Variants in LHPP observed in about 807,000 individuals in gnomAD.
LHPP encodes hLHPP.
LHPP carries 24 observed loss-of-function variants against 30.3 expected under a neutral mutation model. The observed-to-expected ratio is 0.79, with a 90% CI of 0.57 to 1.11. LHPP has a LOEUF of 1.11. LHPP is among the 50% of genes most tolerant of loss of function. The probability of loss-of-function intolerance (pLI) is 0.00; values close to 1 mark genes in which losing one functional copy is unlikely to be tolerated. For synonymous variants in LHPP, 150 were observed against 157.1 expected, an observed-to-expected ratio of 0.95 and a Z score of 0.34; for missense variants, 356 against 367.2, an observed-to-expected ratio of 0.97 and a Z score of 0.25.
chr10:124,510,339 G>A lies in LHPP; in HGVS notation c.625-6841G>A, dbSNP rs1299028129. The stretch of plus-strand genomic sequence containing the variant: ...GGGTCCTGAGCGCACTTTGGTATGC[G>A]GAGCCCACAAGCTGGCCTGGACAGG... On this transcript the variant is annotated intron_variant, in intron 5 of 6. Coordinates refer to ENST00000368842, the MANE Select transcript of LHPP (RefSeq NM_022126.4). This position sits in a 1 kb window ranked among gnomAD's most constrained non-coding sequence, Gnocchi z 4.0. Among the ~76,000 whole-genome samples, 2 of 152,176 alleles carry A rather than the reference G, an allele frequency of 1.3e-5. No individual in the cohort carries two copies. The highest frequency in any genetic ancestry group is 1.9e-4 in the East Asian group (1 of 5,200).
chr10:124,533,840 G>A (rs1397704761), intron 6 of LHPP, among the ~76,000 whole-genome samples: 2 of 152,244 alleles, frequency 1.3e-5, no homozygotes, highest in Admixed American at 6.5e-5. Context: ...CAGACCCCAA[G>A]TGTGTGCCTG....
intron 6 of LHPP, among the ~76,000 whole-genome samples, chr10:124,555,541 G>T (rs888143857): frequency 1.3e-5 from 2 of 151,692 alleles, no homozygotes; most frequent in Admixed American, 6.5e-5. Flanking sequence ...GCCTGGGAAG[G>T]GTCCCCCAGC....
chr10:124,490,550 G>T, intron 3 of LHPP: 1 of 341,920 alleles, frequency 2.9e-6, no homozygotes, highest in Non-Finnish European at 6.1e-6. Context: ...TTCATAAATA[G>T]CAATCTGGTT....
intron 6 of LHPP, among the ~76,000 whole-genome samples, chr10:124,568,408 G>A (rs1424109549): frequency 6.6e-6 from 1 of 152,072 alleles, no homozygotes; most frequent in Non-Finnish European, 1.5e-5. Context: ...ACCATTCCCC[G>A]GCCTCTGCCC....
chr10:124,544,759 G>T (rs1337024293), intron 6 of LHPP, among the ~76,000 whole-genome samples: 1 of 152,190 alleles, frequency 6.6e-6, no homozygotes, highest in Non-Finnish European at 1.5e-5. Context: ...CCCCGTCACG[G>T]GACCTCACAG....
intron 6 of LHPP, among the ~76,000 whole-genome samples, chr10:124,562,623 T>C (rs184639650): frequency 8.5e-5 from 13 of 152,212 alleles, no homozygotes; most frequent in Non-Finnish European, 1.6e-4. Flanking sequence ...GAGACATCAC[T>C]ACACACCTAT....
intron 6 of LHPP, among the ~76,000 whole-genome samples, chr10:124,586,899 A>G (rs1224560323): frequency 6.6e-6 from 1 of 152,136 alleles, no homozygotes; most frequent in Non-Finnish European, 1.5e-5. Flanking sequence ...AATTATTTAT[A>G]TATGTGTGCA....
intron 1 of LHPP, among the ~76,000 whole-genome samples, chr10:124,464,921 A>G (rs1952514093): frequency 6.6e-6 from 1 of 152,212 alleles, no homozygotes; most frequent in South Asian, 2.1e-4. Flanking sequence ...AAGACTGGAA[A>G]CAGCTCAGAT....
At chr10:124,560,835 C>T (rs1464483150) in intron 6 of LHPP, among the ~76,000 whole-genome samples, 2 of 152,116 alleles carry the variant, frequency 1.3e-5, no homozygotes, top group East Asian at 3.9e-4. Context: ...TCACCCAAAG[C>T]CCCACCCTGG....
chr10:124,612,737 T>C (rs1949218270), intron 6 of LHPP: 1 of 153,850 alleles, frequency 6.5e-6, no homozygotes, highest in African/African-American at 2.4e-5. Context: ...TGGGTGGGCG[T>C]GGCCTCAGAG....
chr10:124,475,771 G>A (rs78481099), intron 1 of LHPP, among the ~76,000 whole-genome samples: 121 of 152,142 alleles, frequency 8.0e-4, no homozygotes, highest in African/African-American at 2.7e-3. Context: ...CAGGGACGTC[G>A]GGCTGCTGCT....
chr10:124,462,250 C>G (rs1444452524), intron 1 of LHPP, among the ~76,000 whole-genome samples: 1 of 152,178 alleles, frequency 6.6e-6, no homozygotes, highest in Non-Finnish European at 1.5e-5. Flanking sequence ...AGCGCTTGAC[C>G]TGCGGCCAGT....
At chr10:124,601,928 C>T (rs1949028194) in intron 6 of LHPP, among the ~76,000 whole-genome samples, 2 of 152,186 alleles carry the variant, frequency 1.3e-5, no homozygotes, top group Non-Finnish European at 2.9e-5. Flanking sequence ...CCAGGCCCTG[C>T]GTGCACTCGC....
chr10:124,516,849 G>A (rs1954468015), intron 5 of LHPP, among the ~76,000 whole-genome samples: 1 of 152,194 alleles, frequency 6.6e-6, no homozygotes, highest in Non-Finnish European at 1.5e-5. Flanking sequence ...TTTAGGGTCA[G>A]GTGAAATTTA....
At chr10:124,547,266 G>A (rs550427737) in intron 6 of LHPP, among the ~76,000 whole-genome samples, 45 of 152,288 alleles carry the variant, frequency 3.0e-4, no homozygotes, top group African/African-American at 9.1e-4. Context: ...GTTAACAGAT[G>A]TTTAGACTGT....
intron 6 of LHPP, among the ~76,000 whole-genome samples, chr10:124,530,435 G>A (rs528902834): frequency 2.1e-4 from 32 of 152,092 alleles, no homozygotes; most frequent in Admixed American, 1.5e-3. Flanking sequence ...ACACGATCCC[G>A]CATCCACATG....
At chr10:124,599,834 C>T (rs1369924499) in intron 6 of LHPP, among the ~76,000 whole-genome samples, 1 of 152,224 alleles carries the variant, frequency 6.6e-6, no homozygotes, top group Non-Finnish European at 1.5e-5. Flanking sequence ...TGGGGGTGCT[C>T]GTCCCATGGC....
chr10:124,529,271 G>A (rs905278475), intron 6 of LHPP, among the ~76,000 whole-genome samples: 2 of 151,982 alleles, frequency 1.3e-5, no homozygotes, highest in African/African-American at 4.8e-5. Context: ...TCCTGACCTC[G>A]TGATCTGCCC....
chr10:124,526,648 G>T (rs971638253), intron 6 of LHPP, among the ~76,000 whole-genome samples: 56 of 152,160 alleles, frequency 3.7e-4, no homozygotes, highest in Non-Finnish European at 6.3e-4. Context: ...ACGACCTGCT[G>T]CTGAGCTGGA....
Sources: gnomAD v4.1 joint callset for allele counts (sites outside exome capture counted in the v4.1 genomes callset) on GRCh38, gnomAD v4.1.1 for gene constraint, Gnocchi (gnomAD v3.1) non-coding constraint, MANE v1.5 for transcripts, NCBI Gene and HGNC (gene_info 2026-07-23, HGNC 2026-07-21) for gene names.